Variants in DMTF1 observed in about 807,000 individuals in gnomAD.
DMTF1 encodes cyclin D binding myb like transcription factor 1.
In DMTF1, 39 loss-of-function variants were observed where a neutral mutation model predicts 91.1. That is an observed-to-expected ratio of 0.43 (90% CI 0.33 to 0.56). The LOEUF is 0.56. DMTF1 is among the 20% of genes least tolerant of loss of function. DMTF1 has a pLI of 0.05. For missense variants in DMTF1, 750 were observed against 914.5 expected (o/e 0.82, Z 2.32); for synonymous variants, 338 against 309.5 (o/e 1.09, Z -0.97).
Position 87,192,228 on chromosome 7 carries a change from G to T in DMTF1, c.1495-970G>T, listed in dbSNP as rs900224289. 8.6e-5 allele frequency among the ~76,000 whole-genome samples: 13 copies of T among 151,926 alleles called. 1 individual carries two copies. The highest frequency in any genetic ancestry group is 1.5e-5 in the Non-Finnish European group (1 of 67,960). ...TAGTACTCCAGCTTCAAAAAATTGT[G>T]AAAATTAAATGTTAAGTATATTAAA... On this transcript the variant is annotated intron_variant, in intron 14 of 17. Transcript: ENST00000331242.
Position 87,173,503 on chromosome 7 carries a change from G to A in DMTF1, c.328-32G>A. 3 of 1,462,208 alleles carry A rather than the reference G, an allele frequency of 2.1e-6. No homozygotes were observed. In the South Asian group the frequency reaches 3.6e-5, roughly 18 times the overall value. The allele number at this position is 1,462,208 out of a possible 1,614,324, so 90.6% of individuals were successfully genotyped here. On this transcript the variant is annotated intron_variant, in intron 5 of 17. Coordinates refer to ENST00000331242, the MANE Select transcript of DMTF1 (RefSeq NM_001142327.2). Reference sequence around the variant, plus strand: ...AGCTGCCATTTTTTTGTTTTGTTTTGTTTTGTTTTGTTTTACTTTTACCTT... The same window carrying A: ...AGCTGCCATTTTTTTGTTTTGTTTTATTTTGTTTTGTTTTACTTTTACCTT...
At chr7:87,194,622 A>C in intron 16 of DMTF1, 62 bp from the exon 17 acceptor site, 1 of 1,280,120 alleles carries the variant, frequency 7.8e-7, no homozygotes, top group Non-Finnish European at 1.1e-6. Context: ...ATACCTATAC[A>C]TGGGATTTTA....
intron 11 of DMTF1, chr7:87,184,969 G>A (rs913668348): frequency 5.2e-5 from 24 of 463,276 alleles, no homozygotes; most frequent in African/African-American, 1.6e-4. Flanking sequence ...GGGGGAACAC[G>A]TTTAGGATAA....
At chr7:87,164,455 A>G (rs1288708970) in intron 2 of DMTF1, 1 of 152,370 alleles carries the variant, frequency 6.6e-6, no homozygotes, top group Admixed American at 6.5e-5. Context: ...AAAACACAGC[A>G]AGAATTATTT....
intron 16 of DMTF1, 188 bp from the exon 17 acceptor site, chr7:87,194,496 G>T: frequency 1.9e-6 from 1 of 530,132 alleles, no homozygotes; most frequent in Non-Finnish European, 3.3e-6. Context: ...GTCCTTATGA[G>T]TTCCTTTTGT....
Position 87,155,736 on chromosome 7 carries a change from ACCCCACCCCCG to A in DMTF1, c.-132+3190_-132+3200del, listed in dbSNP as rs1395138457. 5.8e-5 allele frequency among the ~76,000 whole-genome samples: 7 copies of A among 120,528 alleles called. No homozygotes were observed. In the Middle Eastern group the frequency reaches 0.017, roughly 287 times the overall value. The allele number at this position is 120,528 out of a possible 152,430, so 79.1% of individuals were successfully genotyped here. A position where few individuals can be genotyped will look rare whatever the true frequency, so the allele number is the denominator to read the frequency against. On this transcript the variant is annotated intron_variant, in intron 1 of 17. Transcript: ENST00000331242. ...GGAGGAACGTGGTTGTGTCTCCCCC[ACCCCACCCCCG>A]CCCCACCCAAGTTTGTAGAAAGATA...
intron 1 of DMTF1, among the ~76,000 whole-genome samples, chr7:87,160,684 A>G (rs1386125960): frequency 1.3e-5 from 2 of 152,110 alleles, no homozygotes; most frequent in Admixed American, 6.5e-5. Context: ...AGTTCTCCAT[A>G]TTGCCAGATT....
rs1358179131 is a variant in DMTF1, at chr7:87,189,606, T to C, written c.1411+1305T>C. On this transcript the variant is annotated intron_variant, in intron 13 of 17. Transcript: ENST00000331242. ...TCTCTTACAGCAAGAAAAATGAATA[T>C]AGTTAAGTGTTCTACAATCCACCTA... Among the ~76,000 whole-genome samples the C allele has an allele frequency of 3.3e-5, 5 of 152,252 alleles. 1 individual carries two copies. In the South Asian group the frequency reaches 8.3e-4, roughly 25 times the overall value.
Position 87,195,231 on chromosome 7 carries a change from TAA to T in DMTF1, c.*92_*93del. ...AAATAGGAGCAACCCCCAAGAGGCT[TAA>T]TTTACCAATTTAAATAGCCACAGTC... On this transcript the variant is annotated 3_prime_UTR_variant, in exon 18 of 18. Coordinates refer to ENST00000331242, the MANE Select transcript of DMTF1 (RefSeq NM_001142327.2). The T allele has an allele frequency of 1.2e-6, 1 of 859,642 alleles. No homozygotes were observed. Among genetic ancestry groups the T allele is most frequent in the Admixed American group, 2.5e-5 (1 of 40,366 alleles). 53.3% of individuals were successfully genotyped at this position (859,642 alleles called of 1,614,324 possible). A position where few individuals can be genotyped will look rare whatever the true frequency, so the allele number is the denominator to read the frequency against.
chr7:87,167,509 A>G (rs960389324), intron 4 of DMTF1, among the ~76,000 whole-genome samples: 15 of 152,180 alleles, frequency 9.9e-5, no homozygotes, highest in Admixed American at 7.2e-4. Context: ...TTGATTTTAC[A>G]CTCAGCATCA....
rs1793877198 is a variant in DMTF1 at position 87,166,576 on chromosome 7, C to A, written c.203C>A (p.Thr68Asn). The A allele has an allele frequency of 6.2e-7, 1 of 1,613,198 alleles. No homozygotes were observed. Among genetic ancestry groups the A allele is most frequent in the Non-Finnish European group, 8.5e-7 (1 of 1,179,302 alleles). The change falls in exon 4 of 18, where the codon ACT becomes AAT. Residue 68 changes from threonine to asparagine, a missense_variant. By Grantham distance (65) the Thr-to-Asn change is moderately conservative (BLOSUM62 0). Coordinates refer to ENST00000331242, the MANE Select transcript of DMTF1 (RefSeq NM_001142327.2). ...GATGATCAGAGTATTGATGATTCTA[C>A]TCCTTGCATATCAGTTGTTGCACTT... ...SEDDQSIDDSTPCISVVALPL... is the reference protein window; with the variant it reads ...SEDDQSIDDSNPCISVVALPL...
intron 1 of DMTF1, chr7:87,154,276 C>G (rs944655508): frequency 6.6e-6 from 1 of 152,238 alleles, no homozygotes; most frequent in Non-Finnish European, 1.5e-5. Flanking sequence ...CATTATGTTA[C>G]AGGTGTGAAA....
chr7:87,169,802 C>T lies in DMTF1; in HGVS notation c.233-1193C>T, dbSNP rs193099820. ...TTTTCTATTTTTCTGTCCATTTCTT[C>T]TTAGTCTCCACTGCTGACTTTTCCA... On this transcript the variant is annotated intron_variant, in intron 4 of 17. Transcript: ENST00000331242. Among the ~76,000 whole-genome samples the T allele has an allele frequency of 1.6e-3, 249 of 152,304 alleles. 1 individual carries two copies. Among genetic ancestry groups the T allele is most frequent in the African/African-American group, 5.7e-3 (236 of 41,578 alleles).
intron 6 of DMTF1, among the ~76,000 whole-genome samples, chr7:87,173,941 T>C (rs1258795106): frequency 6.6e-6 from 1 of 152,152 alleles, no homozygotes; most frequent in Non-Finnish European, 1.5e-5. Flanking sequence ...AGTTATTGCT[T>C]ATGAGAGTAG....
chr7:87,158,863 T>C (rs1039030591), intron 1 of DMTF1, among the ~76,000 whole-genome samples: 2 of 152,142 alleles, frequency 1.3e-5, no homozygotes, highest in African/African-American at 2.4e-5. Flanking sequence ...AATGCTAAGC[T>C]AAATGCTGTC....
intron 1 of DMTF1, among the ~76,000 whole-genome samples, chr7:87,155,288 A>G (rs1306991320): frequency 6.6e-6 from 1 of 152,116 alleles, no homozygotes; most frequent in African/African-American, 2.4e-5. Context: ...ACTTTTTTTT[A>G]TATCTTATGT....
chr7:87,189,348 C>G (rs896413355), intron 13 of DMTF1, among the ~76,000 whole-genome samples: 1 of 152,088 alleles, frequency 6.6e-6, no homozygotes, highest in South Asian at 2.1e-4. Context: ...TATCTTTCTA[C>G]CAGTGTAATC....
intron 12 of DMTF1, 182 bp from the exon 13 acceptor site, chr7:87,187,910 G>A: frequency 1.7e-6 from 1 of 581,102 alleles, no homozygotes; most frequent in South Asian, 2.2e-5. Context: ...TTGTTACGAT[G>A]TTTATAAAAA....
intron 5 of DMTF1, among the ~76,000 whole-genome samples, chr7:87,172,638 CT>C (rs5885574): frequency 0.84 from 128,522 of 152,228 alleles, 54,498 homozygotes; most frequent in Middle Eastern, 0.96. Flanking sequence ...ATTGCTTAGT[CT>C]TTTTTTAGCC....
Sources: allele counts gnomAD v4.1 joint callset (sites outside exome capture counted in the v4.1 genomes callset), GRCh38; gene constraint gnomAD v4.1.1; transcripts MANE v1.5; gene names NCBI Gene and HGNC (gene_info 2026-07-23, HGNC 2026-07-21).